Variants in ANO2 observed in about 807,000 individuals in gnomAD.
The protein encoded by ANO2 is anoctamin 2, also known as anoctamin-2.
A neutral mutation model predicts 124.2 loss-of-function variants in ANO2; 101 were observed. That is an observed-to-expected ratio of 0.81 (90% CI 0.69 to 0.96). The LOEUF (loss-of-function observed/expected upper bound fraction) is 0.96. Among genes scored for constraint, ANO2 ranks in the 40% least tolerant of loss-of-function variants. ANO2 has a pLI of 0.00. For synonymous variants in ANO2, 486 were observed against 482.5 expected, an observed-to-expected ratio of 1.01 and a Z score of -0.09; for missense variants, 1,293 against 1,274.5, an observed-to-expected ratio of 1.01 and a Z score of -0.22.
chr12:5,871,730 A>G (rs1011540348), intron 3 of ANO2, among the ~76,000 whole-genome samples: 2 of 152,208 alleles, frequency 1.3e-5, no homozygotes, highest in Non-Finnish European at 2.9e-5. Flanking sequence ...CCCTGGTGCC[A>G]AAAAGGTTGG....
intron 7 of ANO2, among the ~76,000 whole-genome samples, chr12:5,817,347 T>C (rs1006067666): frequency 1.3e-5 from 2 of 152,232 alleles, no homozygotes; most frequent in Non-Finnish European, 2.9e-5. Context: ...GCTGTGGGAC[T>C]AGCAGGCTGG....
At chr12:5,736,765 G>A (rs774171226) in intron 13 of ANO2, among the ~76,000 whole-genome samples, 5 of 152,064 alleles carry the variant, frequency 3.3e-5, no homozygotes, top group Non-Finnish European at 7.4e-5. Flanking sequence ...ACTGCATACT[G>A]AGCCCTGTCC....
At chr12:5,938,754 G>A (rs908231010) in intron 1 of ANO2, among the ~76,000 whole-genome samples, 42 of 152,158 alleles carry the variant, frequency 2.8e-4, no homozygotes, top group Admixed American at 2.6e-3. Context: ...GAACCCGGGA[G>A]GCAGAGGTTG....
At chr12:5,832,380 A>T (rs1190150418) in intron 5 of ANO2, 72 bp downstream of exon 5, 2 of 1,565,406 alleles carry the variant, frequency 1.3e-6, no homozygotes, top group African/African-American at 1.4e-5. Flanking sequence ...CCCAGGGCTG[A>T]GTCATAGAAC....
intron 23 of ANO2, among the ~76,000 whole-genome samples, chr12:5,569,616 G>A (rs1258642894): frequency 2.0e-5 from 3 of 152,094 alleles, no homozygotes; most frequent in South Asian, 4.2e-4. Context: ...CCCCATTTCC[G>A]AACCTAGGTC....
intron 15 of ANO2, among the ~76,000 whole-genome samples, chr12:5,637,874 C>T (rs1946103829): frequency 1.3e-5 from 2 of 152,104 alleles, no homozygotes; most frequent in Admixed American, 6.5e-5. Flanking sequence ...ACAGAGCTTT[C>T]GAGCTGCAGG....
At chr12:5,632,705 C>T (rs1325065873) in intron 16 of ANO2, among the ~76,000 whole-genome samples, 1 of 152,302 alleles carries the variant, frequency 6.6e-6, no homozygotes, top group Non-Finnish European at 1.5e-5. Flanking sequence ...ATGGGAAGTA[C>T]TCACTAAATA....
intron 19 of ANO2, 97 bp from the exon 20 acceptor site, chr12:5,599,726 A>G: frequency 7.4e-7 from 1 of 1,342,324 alleles, no homozygotes. Flanking sequence ...TTTTGACACT[A>G]AAGCCATCTC....
chr12:5,823,497 T>A (rs1950330981), intron 7 of ANO2, among the ~76,000 whole-genome samples: 2 of 152,214 alleles, frequency 1.3e-5, no homozygotes, highest in South Asian at 4.1e-4. Context: ...CAAAATGATC[T>A]CCTTTGACTC....
At chr12:5,588,835 C>A (rs1213045672) in intron 20 of ANO2, among the ~76,000 whole-genome samples, 1 of 152,186 alleles carries the variant, frequency 6.6e-6, no homozygotes, top group South Asian at 2.1e-4. Flanking sequence ...AAAACTCATT[C>A]TCTGGTCTAA....
chr12:5,851,393 TGTA>T (rs1954893989), intron 4 of ANO2, among the ~76,000 whole-genome samples: 1 of 152,024 alleles, frequency 6.6e-6, no homozygotes, highest in South Asian at 2.1e-4. Context: ...AGACAAGAGA[TGTA>T]GAGGTGTCTG....
Position 5,744,280 on chromosome 12 carries a change from A to T in ANO2, c.1228T>A (p.Cys410Ser). 6.2e-7 allele frequency: 1 copy of T among 1,613,982 alleles called. No homozygotes were observed. The highest frequency in any genetic ancestry group is 8.5e-7 in the Non-Finnish European group (1 of 1,179,880). ...MCDQQNAFTM[C>S]PLCDKSCDYW... ...TCACAGGACTTGTCACACAGGGGAC[A>T]CATGGTGAAGGCATTCTGCTGGTCA... is the stretch of plus-strand genomic sequence containing the variant. The change falls in exon 12 of 25, where the codon TGT becomes AGT. Residue 410 changes from cysteine to serine, a missense_variant. Transcript: ENST00000682330.
At chr12:5,619,775 A>T (rs1248498551) in intron 16 of ANO2, among the ~76,000 whole-genome samples, 3 of 152,228 alleles carry the variant, frequency 2.0e-5, no homozygotes, top group Non-Finnish European at 4.4e-5. Context: ...CAAGAACTAA[A>T]TATTGGAGGT....
At chr12:5,850,397 C>CA (rs1954842421) in intron 4 of ANO2, among the ~76,000 whole-genome samples, 1 of 119,520 alleles carries the variant, frequency 8.4e-6, no homozygotes, top group African/African-American at 3.3e-5. Flanking sequence ...GCCTGGGTGA[C>CA]AGAGGGACAC....
chr12:5,648,569 G>A (rs531742674), intron 14 of ANO2, among the ~76,000 whole-genome samples: 2 of 152,286 alleles, frequency 1.3e-5, no homozygotes, highest in South Asian at 2.1e-4. Context: ...ATTTGGTGGG[G>A]GACAGGGGAG....
chr12:5,605,141 C>G (rs746271096), intron 19 of ANO2, among the ~76,000 whole-genome samples: 1 of 152,100 alleles, frequency 6.6e-6, no homozygotes, highest in Non-Finnish European at 1.5e-5. Context: ...AAGGCAGAAC[C>G]TAGCCCTAAA....
intron 1 of ANO2, among the ~76,000 whole-genome samples, chr12:5,936,314 T>A (rs1236107412): frequency 6.6e-6 from 1 of 152,198 alleles, no homozygotes; most frequent in South Asian, 2.1e-4. Flanking sequence ...GGTTTGACTA[T>A]CGGTGTCTCT....
chr12:5,623,906 C>T (rs1591760777), intron 16 of ANO2, among the ~76,000 whole-genome samples: 1 of 152,150 alleles, frequency 6.6e-6, no homozygotes, highest in Non-Finnish European at 1.5e-5. Context: ...TGTCTGGGTA[C>T]CTGGTGTCAT....
chr12:5,906,323 T>C (rs952114902), intron 3 of ANO2, among the ~76,000 whole-genome samples: 4 of 147,434 alleles, frequency 2.7e-5, no homozygotes, highest in South Asian at 2.1e-4. Flanking sequence ...AAGGCTATTA[T>C]ATTATCAATA....
Sources: gnomAD v4.1 joint callset for allele counts (sites outside exome capture counted in the v4.1 genomes callset) on GRCh38, gnomAD v4.1.1 for gene constraint, MANE v1.5 for transcripts, NCBI Gene and HGNC (gene_info 2026-07-23, HGNC 2026-07-21) for gene names.